CARMIL2: variants seen among roughly 807,000 people sequenced by gnomAD.
CARMIL2 encodes capping protein regulator and myosin 1 linker 2, also known as capping protein, Arp2/3 and myosin-I linker protein 2.
A neutral mutation model predicts 173.3 loss-of-function variants in CARMIL2; 96 were observed. That is an observed-to-expected ratio of 0.55 (90% confidence interval 0.47 to 0.66). The LOEUF is 0.66. Ranked by LOEUF, CARMIL2 falls within the 30% of genes least tolerant of loss-of-function variation. CARMIL2 has a pLI of 0.00. For synonymous variants in CARMIL2, 830 were observed against 817.1 expected, an observed-to-expected ratio of 1.02 and a Z score of -0.27; for missense variants, 1,771 against 1,906.7, an observed-to-expected ratio of 0.93 and a Z score of 1.33.
chr16:67,648,496 C>T lies in CARMIL2; in HGVS notation c.1433C>T (p.Ala478Val), dbSNP rs2052645760. ...GCGGGCTGCAAGCTGCCGCCCGACG[C>T]GCTCAGGTCAGTGTCGGACCCCGGC... ...GLAGCKLPPD[A>V]LRALLDGLAL... The change falls in exon 15 of 38, where the codon GCG becomes GTG. Residue 478 changes from alanine (A) to valine (V), a missense_variant. Ala to Val is a moderately conservative substitution (Grantham distance 64). This residue lies in a region of CARMIL2 where 944 missense variants were observed against 975.6 expected (regional missense o/e 0.97). Coordinates refer to ENST00000334583, the MANE Select transcript of CARMIL2 (RefSeq NM_001013838.3). This position sits in a 1 kb window ranked among gnomAD's most constrained non-coding sequence, Gnocchi z 6.1. 2 of 1,439,838 alleles carry T rather than the reference C, an allele frequency of 1.4e-6. No individual in the cohort carries two copies. Among genetic ancestry groups the T allele is most frequent in the South Asian group, 3.0e-5 (2 of 67,594 alleles). 89.2% of individuals were successfully genotyped at this position (1,439,838 alleles called of 1,614,324 possible).
At chr16:67,656,351 G>T (rs2052855375) in intron 34 of CARMIL2, 52 bp downstream of exon 34, 1 of 1,611,534 alleles carries the variant, frequency 6.2e-7, no homozygotes, top group Non-Finnish European at 8.5e-7. Flanking sequence ...ACAGGCAGGA[G>T]TTGGGTCAGA....
At position 67,654,315 on chromosome 16, in the gene CARMIL2, G is replaced by A; in HGVS notation, c.3222-17G>A. 6.3e-7 allele frequency: 1 copy of A among 1,586,136 alleles called. No homozygotes were observed. Among genetic ancestry groups the A allele is most frequent in the Non-Finnish European group, 8.6e-7 (1 of 1,166,364 alleles). On this transcript the variant is annotated splice_polypyrimidine_tract_variant and intron_variant, in intron 30 of 37. Coordinates refer to ENST00000334583, the MANE Select transcript of CARMIL2 (RefSeq NM_001013838.3). The stretch of plus-strand genomic sequence containing the variant: ...TGCCTGATGGGCTTTCTCGCTCACT[G>A]CTGGGTGTCCCCACAGCTGGGCCCC...
intron 34 of CARMIL2, 62 bp from the exon 35 acceptor site, chr16:67,656,362 C>T (rs1015548888): frequency 1.2e-6 from 2 of 1,608,372 alleles, no homozygotes; most frequent in African/African-American, 2.7e-5. Context: ...TTGGGTCAGA[C>T]TGTTGTTCAG....
chr16:67,645,986 G>C (rs1003028863), intron 3 of CARMIL2, 32 bp from the exon 4 acceptor site: 7 of 1,612,240 alleles, frequency 4.3e-6, no homozygotes, highest in Non-Finnish European at 5.9e-6. Flanking sequence ...GGGGCTGGGG[G>C]CTTGGTCCCA....
In CARMIL2 at chr16:67,646,507, C is replaced by T. The variant is rs2052597011; in HGVS notation, c.456C>T (p.Cys152=). The T allele has an allele frequency of 6.2e-7, 1 of 1,613,040 alleles. No individual in the cohort carries two copies. Among genetic ancestry groups the T allele is most frequent in the African/African-American group, 1.3e-5 (1 of 74,908 alleles). ...GCCCCTCGGAGTCCACTGACCCCTG[C>T]AGCCCCTGTGGTAAGGGTGAAGGCA... ...RSSPSESTDP[C]SPCGGFLETY... is the part of the protein sequence containing the mutation. The change falls in exon 6 of 38, where the codon TGC becomes TGT. Residue 152 remains cysteine, a synonymous_variant. Coordinates refer to ENST00000334583, the MANE Select transcript of CARMIL2 (RefSeq NM_001013838.3). This position sits in a 1 kb window ranked among gnomAD's most constrained non-coding sequence, Gnocchi z 4.6.
At position 67,650,043 on chromosome 16, in the gene CARMIL2, C is replaced by T. The variant is rs2052695039; in HGVS notation, c.2083-6C>T. 6.2e-7 allele frequency: 1 copy of T among 1,613,778 alleles called. No individual in the cohort carries two copies. The highest frequency in any genetic ancestry group is 8.5e-7 in the Non-Finnish European group (1 of 1,179,808). On this transcript the variant is annotated splice_region_variant and splice_polypyrimidine_tract_variant and intron_variant, in intron 21 of 37. Transcript: ENST00000334583. ...CTCGGCATTTCTCAATACCCCTTGC[C>T]CCTAGATCCAAGCCTGTCTCTTGAG...
Position 67,649,106 on chromosome 16 carries a change from T to A in CARMIL2, c.1622T>A (p.Leu541Gln). 1 of 1,613,286 alleles carries A rather than the reference T, an allele frequency of 6.2e-7. No individual in the cohort carries two copies. Among genetic ancestry groups the A allele is most frequent in the Non-Finnish European group, 8.5e-7 (1 of 1,179,714 alleles). ...GGCTCAGACATGGTGACTCTGGTGC[T>A]GGCCATCGGGAGAAGCCGGTCCCTG... ...GFGSDMVTLV[L>Q]AIGRSRSLRH... The change falls in exon 18 of 38, where the codon CTG becomes CAG. Residue 541 changes from leucine (L) to glutamine (Q), a missense_variant. By Grantham distance (113) the Leu-to-Gln change is moderately radical (BLOSUM62 -2). Coordinates refer to ENST00000334583, the MANE Select transcript of CARMIL2 (RefSeq NM_001013838.3). The surrounding 1 kb of genome is among the most constrained non-coding windows in gnomAD (Gnocchi z 6.7).
In CARMIL2 at chr16:67,652,456, G is replaced by C; in HGVS notation, c.2818-16G>C. On this transcript the variant is annotated splice_polypyrimidine_tract_variant and intron_variant, in intron 27 of 37. Transcript: ENST00000334583. The surrounding 1 kb of genome is among the most constrained non-coding windows in gnomAD (Gnocchi z 4.7). The stretch of plus-strand genomic sequence containing the variant: ...TGCTCTCCTACCCCAGGCTGAGTTT[G>C]TGCCCTCCCCACCAGGATGACAGTC... The C allele has an allele frequency of 6.2e-7, 1 of 1,613,292 alleles. No individual in the cohort carries two copies. The highest frequency in any genetic ancestry group is 8.5e-7 in the Non-Finnish European group (1 of 1,179,660).
Position 67,645,296 on chromosome 16 carries a change from G to A in CARMIL2, c.40+10G>A. 1.2e-6 allele frequency: 2 copies of A among 1,602,642 alleles called. No individual in the cohort carries two copies. Among genetic ancestry groups the A allele is most frequent in the Non-Finnish European group, 1.7e-6 (2 of 1,175,256 alleles). On this transcript the variant is annotated intron_variant, in intron 1 of 37. Transcript: ENST00000334583. Reference sequence around the variant, plus strand: ...TCCTGTGAGCTCCGAGGTAAGCGCTGGCCCTTCCTGCCTTCTTGGCCGGGA... The same window carrying A: ...TCCTGTGAGCTCCGAGGTAAGCGCTAGCCCTTCCTGCCTTCTTGGCCGGGA...
Position 67,657,110 on chromosome 16 carries a change from G to T in CARMIL2, c.4118-129G>T, listed in dbSNP as rs1285808668. 13 of 893,268 alleles carry T rather than the reference G, an allele frequency of 1.5e-5. No individual in the cohort carries two copies. In the South Asian group the frequency reaches 2.1e-4, roughly 14 times the overall value. The allele number at this position is 893,268 out of a possible 1,614,324, so 55.3% of individuals were successfully genotyped here. A position where few individuals can be genotyped will look rare whatever the true frequency, so the allele number is the denominator to read the frequency against. ...CTGCCAGGGGTGAGGACGCAGGGAC[G>T]GGGGATGCTCTGAAGGCAGCAGTGT... On this transcript the variant is annotated intron_variant, in intron 36 of 37. Coordinates refer to ENST00000334583, the MANE Select transcript of CARMIL2 (RefSeq NM_001013838.3). The surrounding 1 kb of genome is among the most constrained non-coding windows in gnomAD (Gnocchi z 4.5).
Position 67,651,528 on chromosome 16 carries a change from C to A in CARMIL2, c.2427+14C>A. 6.4e-7 allele frequency: 1 copy of A among 1,573,496 alleles called. No homozygotes were observed. Among genetic ancestry groups the A allele is most frequent in the Non-Finnish European group, 8.6e-7 (1 of 1,159,120 alleles). ...CAGGACATCCAGGTGAGAGGGTACTCCTGCCCCAACCCCACCTCCGTTTGC... is the reference window on the plus strand; with the variant it reads ...CAGGACATCCAGGTGAGAGGGTACTACTGCCCCAACCCCACCTCCGTTTGC... On this transcript the variant is annotated intron_variant, in intron 24 of 37. Coordinates refer to ENST00000334583, the MANE Select transcript of CARMIL2 (RefSeq NM_001013838.3). This position sits in a 1 kb window ranked among gnomAD's most constrained non-coding sequence, Gnocchi z 4.2.
In CARMIL2 at chr16:67,648,561, C is replaced by G; in HGVS notation, c.1439+59C>G. On this transcript the variant is annotated intron_variant, in intron 15 of 37. Coordinates refer to ENST00000334583, the MANE Select transcript of CARMIL2 (RefSeq NM_001013838.3). The surrounding 1 kb of genome is among the most constrained non-coding windows in gnomAD (Gnocchi z 6.1). ...CGCTCCCACCCTGCCCTGGCCTTCG[C>G]CCCTCCCCGCTCCTGCTTCTGTCGC... The G allele has an allele frequency of 6.8e-7, 1 of 1,460,648 alleles. No individual in the cohort carries two copies. The highest frequency in any genetic ancestry group is 1.4e-5 in the African/African-American group (1 of 71,216). The allele number at this position is 1,460,648 out of a possible 1,614,324, so 90.5% of individuals were successfully genotyped here. A position where few individuals can be genotyped will look rare whatever the true frequency, so the allele number is the denominator to read the frequency against.
chr16:67,650,180 T>A, intron 22 of CARMIL2, 30 bp downstream of exon 22: 1 of 1,573,228 alleles, frequency 6.4e-7, no homozygotes, highest in Non-Finnish European at 8.6e-7. Flanking sequence ...CCACGAGAGG[T>A]AGGGCATGAG....
rs1290258385 is a variant in CARMIL2, at chr16:67,649,757, G to A, written c.1920-49G>A. 2.5e-6 allele frequency: 4 copies of A among 1,590,384 alleles called. No individual in the cohort carries two copies. The highest frequency in any genetic ancestry group is 1.7e-6 in the Non-Finnish European group (2 of 1,166,878). On this transcript the variant is annotated intron_variant, in intron 20 of 37. Transcript: ENST00000334583. The surrounding 1 kb of genome is among the most constrained non-coding windows in gnomAD (Gnocchi z 6.7). Reference sequence around the variant, plus strand: ...GCGAATGGACTAGGCCGAGGGTTGGGTGGGGCGTTGGGAAGCTCCGTCCCC... The same window carrying A: ...GCGAATGGACTAGGCCGAGGGTTGGATGGGGCGTTGGGAAGCTCCGTCCCC...
At chr16:67,650,430 A>C in intron 22 of CARMIL2, 1 of 517,584 alleles carries the variant, frequency 1.9e-6, no homozygotes, top group Non-Finnish European at 3.5e-6. Context: ...TTGTAGCCCC[A>C]TCTCTGTCCT....
intron 29 of CARMIL2, 70 bp from the exon 30 acceptor site, chr16:67,654,079 C>T (rs1284260623): frequency 2.2e-5 from 19 of 876,816 alleles, no homozygotes; most frequent in Non-Finnish European, 2.8e-5. Flanking sequence ...AGGCTGCCGG[C>T]CGGGGGGGGG....
chr16:67,651,839 G>C lies in CARMIL2; in HGVS notation c.2582G>C (p.Arg861Thr). Residue 861 changes from arginine to threonine, a missense_variant, in exon 25 of 38, where the codon AGG becomes ACG. Arg to Thr is a moderately conservative substitution (Grantham distance 71). Transcript: ENST00000334583. This position sits in a 1 kb window ranked among gnomAD's most constrained non-coding sequence, Gnocchi z 4.2. ...CAGCTGCTGCAAGATGCCTTCACTA[G>C]GCTCAGGTAGGCTGGATGGGGCTGG... Reference protein sequence around the residue: ...PEQLLQDAFTRLRDMRLSITG... With the variant: ...PEQLLQDAFTTLRDMRLSITG... 2 of 1,612,556 alleles carry C rather than the reference G, an allele frequency of 1.2e-6. No homozygotes were observed. Among genetic ancestry groups the C allele is most frequent in the Non-Finnish European group, 1.7e-6 (2 of 1,179,624 alleles).
chr16:67,648,622 T>G lies in CARMIL2; in HGVS notation c.1440-63T>G. ...TCCCCCAGATCCTGGCCCTGCCTCC[T>G]TCGTTCGCACCCTGGAGCCCCCTGT... On this transcript the variant is annotated intron_variant, in intron 15 of 37. Coordinates refer to ENST00000334583, the MANE Select transcript of CARMIL2 (RefSeq NM_001013838.3). The surrounding 1 kb of genome is among the most constrained non-coding windows in gnomAD (Gnocchi z 6.1). 1 of 1,514,632 alleles carries G rather than the reference T, an allele frequency of 6.6e-7. No individual in the cohort carries two copies. Among genetic ancestry groups the G allele is most frequent in the Non-Finnish European group, 9.0e-7 (1 of 1,115,594 alleles). The allele number at this position is 1,514,632 out of a possible 1,614,324, so 93.8% of individuals were successfully genotyped here.
intron 32 of CARMIL2, 64 bp downstream of exon 32, chr16:67,654,964 G>T: frequency 6.3e-7 from 1 of 1,591,824 alleles, no homozygotes; most frequent in South Asian, 1.1e-5. Flanking sequence ...TGACATAAGT[G>T]ACCAAGATGG....
Sources: gnomAD v4.1 joint callset for allele counts on GRCh38, gnomAD v4.1.1 for gene constraint, gnomAD v4.1.1 regional missense constraint, Gnocchi (gnomAD v3.1) non-coding constraint, MANE v1.5 for transcripts, NCBI Gene and HGNC (gene_info 2026-07-23, HGNC 2026-07-21) for gene names.